PCDHA13: variants seen among roughly 807,000 people sequenced by gnomAD.
PCDHA13 encodes protocadherin alpha 13.
Under a neutral mutation model 64.8 loss-of-function variants are expected in PCDHA13, and 54 were observed. The ratio of observed to expected loss-of-function variants is 0.83; its 90% CI spans 0.67 to 1.04. The LOEUF (loss-of-function observed/expected upper bound fraction) is 1.04, where lower values mean the gene tolerates loss of function less well. PCDHA13 is among the 50% of genes least tolerant of loss of function. The probability of loss-of-function intolerance (pLI) is 0.00; values close to 1 mark genes in which losing one functional copy is unlikely to be tolerated. For missense variants in PCDHA13, 1,248 were observed against 1,254.3 expected, an observed-to-expected ratio of 0.99 and a Z score of 0.08; for synonymous variants, 587 against 564.4, an observed-to-expected ratio of 1.04 and a Z score of -0.57.
intron 1 of PCDHA13, among the ~76,000 whole-genome samples, chr5:140,923,228 C>A (rs2338302): frequency 1.4e-5 from 1 of 71,808 alleles, no homozygotes; most frequent in South Asian, 4.8e-4. Context: ...TCGTTTGAGC[C>A]CAGAAGTTTG....
intron 1 of PCDHA13, chr5:140,968,839 T>C (rs1426943047): frequency 1.3e-5 from 21 of 1,614,052 alleles, no homozygotes; most frequent in Non-Finnish European, 1.7e-5. Flanking sequence ...TCCCTGACAC[T>C]CAGAGGCATG....
intron 1 of PCDHA13, among the ~76,000 whole-genome samples, chr5:140,916,789 C>T (rs146305877): frequency 2.8e-4 from 42 of 152,168 alleles, no homozygotes; most frequent in Non-Finnish European, 4.7e-4. Context: ...TTAGCTGCCC[C>T]AGCTGATGAC....
At chr5:140,897,648 T>C (rs556362001) in intron 1 of PCDHA13, among the ~76,000 whole-genome samples, 1 of 152,302 alleles carries the variant, frequency 6.6e-6, no homozygotes, top group African/African-American at 2.4e-5. Flanking sequence ...ACAATAAACA[T>C]ACGTGTGCAT....
chr5:140,942,439 A>G (rs1554214983), intron 1 of PCDHA13, among the ~76,000 whole-genome samples: 1 of 152,082 alleles, frequency 6.6e-6, no homozygotes, highest in Non-Finnish European at 1.5e-5. Flanking sequence ...AACAATAAAC[A>G]AGTAAACTAT....
At chr5:140,894,193 T>G (rs1481492058) in intron 1 of PCDHA13, among the ~76,000 whole-genome samples, 1 of 152,170 alleles carries the variant, frequency 6.6e-6, no homozygotes, top group Non-Finnish European at 1.5e-5. Context: ...TATATATTTT[T>G]TCTATGCTAT....
At chr5:140,915,626 G>GTCTCTCTCTCTCTC (rs57920489) in intron 1 of PCDHA13, among the ~76,000 whole-genome samples, 21 of 146,534 alleles carry the variant, frequency 1.4e-4, no homozygotes, top group African/African-American at 5.0e-4. Context: ...GTCTCTTTCT[G>GTCTCTCTCTCTCTC]TCTCTCTCTC....
intron 1 of PCDHA13, among the ~76,000 whole-genome samples, chr5:140,890,386 A>G (rs905205351): frequency 6.6e-6 from 1 of 152,202 alleles, no homozygotes; most frequent in Admixed American, 6.5e-5. Flanking sequence ...TCTTTCTTAG[A>G]TAATCTATAA....
Position 140,883,593 on chromosome 5 carries a change from C to T in PCDHA13, c.1325C>T (p.Ser442Leu), listed in dbSNP as rs2059688395. Residue 442 changes from serine to leucine, a missense_variant, in exon 1 of 4, where the codon TCG becomes TTG. Coordinates refer to ENST00000289272, the MANE Select transcript of PCDHA13 (RefSeq NM_018904.3). ...TCGCTGTGGGCCACGGCCAGCGTGT[C>T]GGTGGGGGTGGCCGACGTGAACGAC... ...SPSLWATASV[S>L]VGVADVNDNA... 6.2e-7 allele frequency: 1 copy of T among 1,613,954 alleles called. No homozygotes were observed. The highest frequency in any genetic ancestry group is 8.5e-7 in the Non-Finnish European group (1 of 1,179,928).
At chr5:140,993,877 C>T (rs1457877493) in intron 3 of PCDHA13, among the ~76,000 whole-genome samples, 4 of 152,150 alleles carry the variant, frequency 2.6e-5, no homozygotes, top group South Asian at 2.1e-4. Context: ...TGTGTAAGTA[C>T]GCTCTATGAT....
rs116104145 is a variant in PCDHA13, at chr5:140,901,150, A to G, written c.2394+16488A>G. Among the ~76,000 whole-genome samples, 839 of 152,012 alleles carry G rather than the reference A, an allele frequency of 5.5e-3. 12 individuals carry two copies. Among genetic ancestry groups the G allele is most frequent in the African/African-American group, 0.019 (783 of 41,484 alleles). On this transcript the variant is annotated intron_variant, in intron 1 of 3. Transcript: ENST00000289272. ...GGTAGATTGTAAATATTTTCTCTCA[A>G]TCTGTGGGTTGTCTCTTCACTTTGT...
At chr5:140,960,841 T>C (rs1554225062) in intron 1 of PCDHA13, among the ~76,000 whole-genome samples, 1 of 152,222 alleles carries the variant, frequency 6.6e-6, no homozygotes, top group African/African-American at 2.4e-5. Context: ...GGAACAGGTT[T>C]AATGGCAACT....
chr5:140,969,704 T>G (rs1317094729), intron 1 of PCDHA13, among the ~76,000 whole-genome samples: 10 of 152,172 alleles, frequency 6.6e-5, no homozygotes, highest in African/African-American at 2.4e-4. Flanking sequence ...TGCTGTATCA[T>G]CTACAGGGAA....
intron 1 of PCDHA13, among the ~76,000 whole-genome samples, chr5:140,895,928 A>G (rs559949902): frequency 5.9e-5 from 9 of 152,226 alleles, no homozygotes; most frequent in African/African-American, 1.9e-4. Flanking sequence ...ATCCTGCCTC[A>G]GCCTCCCGAG....
At chr5:140,993,273 T>C (rs1212746492) in intron 3 of PCDHA13, among the ~76,000 whole-genome samples, 1 of 152,176 alleles carries the variant, frequency 6.6e-6, no homozygotes, top group Non-Finnish European at 1.5e-5. Flanking sequence ...TTCTTTGGTC[T>C]TTTCTTGCCC....
chr5:141,003,511 C>T (rs2098128112), intron 3 of PCDHA13, among the ~76,000 whole-genome samples: 2 of 152,114 alleles, frequency 1.3e-5, no homozygotes, highest in African/African-American at 4.8e-5. Flanking sequence ...TGGGGTTTCA[C>T]CATGTTCCCT....
intron 2 of PCDHA13, among the ~76,000 whole-genome samples, chr5:140,979,275 C>T (rs141662665): frequency 6.6e-6 from 1 of 152,320 alleles, no homozygotes; most frequent in East Asian, 1.9e-4. Flanking sequence ...AAAATTTCTA[C>T]AGGGAAGTAA....
Position 140,882,406 on chromosome 5 carries a change from C to T in PCDHA13, c.138C>T (p.Gly46=). 3 of 1,614,138 alleles carry T rather than the reference C, an allele frequency of 1.9e-6. No individual in the cohort carries two copies. Among genetic ancestry groups the T allele is most frequent in the Non-Finnish European group, 2.5e-6 (3 of 1,180,042 alleles). The change falls in exon 1 of 4, where the codon GGC becomes GGT. Residue 46 remains glycine (G), a synonymous_variant. Coordinates refer to ENST00000289272, the MANE Select transcript of PCDHA13 (RefSeq NM_018904.3). ...AAGCAAAACACGGCACCTTCGTGGG[C>T]CGCATCGCTCAGGACCTGGGGCTGG... is the stretch of plus-strand genomic sequence containing the variant. The part of the protein sequence containing the change: ...PEEAKHGTFV[G]RIAQDLGLEL...
intron 1 of PCDHA13, among the ~76,000 whole-genome samples, chr5:140,960,278 T>A (rs2095536864): frequency 6.6e-6 from 1 of 152,192 alleles, no homozygotes. Context: ...CGTCACCTTT[T>A]TGGGACCCAG....
rs1423136904 is a variant in PCDHA13 at position 140,966,615 on chromosome 5, G to A, written c.2395-12334G>A. 1.0e-5 allele frequency: 8 copies of A among 773,600 alleles called. No individual in the cohort carries two copies. In the Admixed American group the frequency reaches 1.2e-4, roughly 12 times the overall value. The allele number at this position is 773,600 out of a possible 1,614,324, so 47.9% of individuals were successfully genotyped here. A position where few individuals can be genotyped will look rare whatever the true frequency, so the allele number is the denominator to read the frequency against. On this transcript the variant is annotated intron_variant, in intron 1 of 3. Transcript: ENST00000289272. The stretch of plus-strand genomic sequence containing the variant: ...GCCAGGAGCCCTTGGGAGGGCCTAC[G>A]GAGGGAGCGGCCCCAGGCGCTTTCT...
Sources: allele counts gnomAD v4.1 joint callset (sites outside exome capture counted in the v4.1 genomes callset), GRCh38; gene constraint gnomAD v4.1.1; transcripts MANE v1.5; gene names NCBI Gene and HGNC (gene_info 2026-07-23, HGNC 2026-07-21).